The following TENM1 variants were observed in gnomAD, a reference collection of about 807,000 sequenced individuals.
TENM1 encodes teneurin-1.
Under a neutral mutation model 174.8 loss-of-function variants are expected in TENM1, and 35 were observed. The observed-to-expected ratio is 0.20, with a 90% CI of 0.15 to 0.27. The LOEUF (loss-of-function observed/expected upper bound fraction) is 0.27, where lower values mean the gene tolerates loss of function less well. TENM1 is among the 10% of genes least tolerant of loss of function. The pLI, the probability that TENM1 is intolerant of heterozygous loss-of-function variation, is 1.00. For missense variants in TENM1, 1,633 were observed against 2,130.1 expected, an observed-to-expected ratio of 0.77 and a Z score of 4.59; for synonymous variants, 781 against 798.7, an observed-to-expected ratio of 0.98 and a Z score of 0.37.
chrX:124,523,151 G>T (rs1016113069), intron 17 of TENM1, among the ~76,000 whole-genome samples: 1 of 112,028 alleles, frequency 8.9e-6, no homozygotes, highest in Non-Finnish European at 1.9e-5. Context: ...ACTTAATCTT[G>T]TTCTATTCCA....
the TENM1 span, among the ~76,000 whole-genome samples, chrX:125,040,834 C>T: frequency 1.8e-5 from 2 of 111,186 alleles, no homozygotes; most frequent in African/African-American, 3.3e-5. Flanking sequence ...TTCATCTTTT[C>T]GACCTTTGCA....
intron 3 of TENM1, among the ~76,000 whole-genome samples, chrX:124,845,831 T>C (rs1009480337): frequency 1.8e-5 from 2 of 108,111 alleles, no homozygotes; most frequent in Non-Finnish European, 3.8e-5. Flanking sequence ...TATGGGTGAG[T>C]GGATAGGGTG....
chrX:124,667,219 C>T (rs2051789737), intron 6 of TENM1, among the ~76,000 whole-genome samples: 2 of 111,273 alleles, frequency 1.8e-5, no homozygotes, highest in South Asian at 7.6e-4. Context: ...TTATATAACT[C>T]AGGTCTAGGA....
At chrX:124,535,378 T>C (rs878868250) in intron 15 of TENM1, among the ~76,000 whole-genome samples, 5 of 111,426 alleles carry the variant, frequency 4.5e-5, no homozygotes, top group Admixed American at 2.9e-4. Flanking sequence ...CTTACCCTTA[T>C]GAAATCTGTC....
intron 3 of TENM1, among the ~76,000 whole-genome samples, chrX:124,832,012 T>C (rs2056299780): frequency 9.0e-6 from 1 of 111,688 alleles, no homozygotes; most frequent in African/African-American, 3.3e-5. Context: ...TTGCAGTGCA[T>C]AATATACAAT....
chrX:125,093,523 T>A, the TENM1 span, among the ~76,000 whole-genome samples: 1 of 112,122 alleles, frequency 8.9e-6, no homozygotes, highest in Non-Finnish European at 1.9e-5. Context: ...GTCTCATAAA[T>A]CATTCATTTC....
chrX:124,791,398 A>G (rs1337515793), intron 3 of TENM1, among the ~76,000 whole-genome samples: 2 of 111,959 alleles, frequency 1.8e-5, no homozygotes, highest in Non-Finnish European at 3.8e-5. Context: ...TCTTTTGAAA[A>G]AAGTTACCCC....
At chrX:124,825,042 G>A (rs913261933) in intron 3 of TENM1, among the ~76,000 whole-genome samples, 1 of 110,076 alleles carries the variant, frequency 9.1e-6, no homozygotes, top group South Asian at 3.8e-4. Flanking sequence ...AAATGGGAAC[G>A]TGACGAGACA....
the TENM1 span, among the ~76,000 whole-genome samples, chrX:125,024,239 C>A: frequency 9.0e-6 from 1 of 110,743 alleles, no homozygotes. Context: ...GAAAAAATAT[C>A]ATTATATCAA....
At chrX:125,054,777 G>A in the TENM1 span, among the ~76,000 whole-genome samples, 1 of 111,397 alleles carries the variant, frequency 9.0e-6, no homozygotes, top group African/African-American at 3.3e-5. Context: ...AGAATAGAAC[G>A]GAGACATGTG....
the TENM1 span, among the ~76,000 whole-genome samples, chrX:125,136,195 T>G: frequency 3.6e-5 from 4 of 111,306 alleles, no homozygotes; most frequent in Non-Finnish European, 7.5e-5. Flanking sequence ...GATTCAATTG[T>G]TAAACTCTGG....
intron 3 of TENM1, among the ~76,000 whole-genome samples, chrX:124,775,738 C>T (rs1417407500): frequency 1.3e-4 from 15 of 111,967 alleles, no homozygotes; most frequent in Non-Finnish European, 2.1e-4. Flanking sequence ...GCTCAATTAA[C>T]CAACCCTAGT....
chrX:124,527,650 C>CTT (rs996971096), intron 16 of TENM1, among the ~76,000 whole-genome samples: 5 of 92,874 alleles, frequency 5.4e-5, no homozygotes, highest in African/African-American at 7.8e-5. Context: ...TTTCTTTTTT[C>CTT]TTTTTTTTTT....
the TENM1 span, among the ~76,000 whole-genome samples, chrX:125,162,744 T>C: frequency 3.6e-5 from 4 of 111,678 alleles, no homozygotes; most frequent in Non-Finnish European, 7.5e-5. Flanking sequence ...TCAATTAACA[T>C]CTAAATTTTG....
At chrX:124,596,174 C>A (rs2049886231) in intron 11 of TENM1, among the ~76,000 whole-genome samples, 1 of 110,564 alleles carries the variant, frequency 9.0e-6, no homozygotes, top group Non-Finnish European at 1.9e-5. Flanking sequence ...TGATTAGAAG[C>A]CAGCCAATCA....
At chrX:124,669,717 G>T (rs1001819973) in intron 6 of TENM1, among the ~76,000 whole-genome samples, 2 of 111,634 alleles carry the variant, frequency 1.8e-5, no homozygotes, top group East Asian at 2.8e-4. Context: ...AACCCATAAT[G>T]ATTTTTCTTA....
chrX:124,806,949 A>G (rs1394114661), intron 3 of TENM1, among the ~76,000 whole-genome samples: 2 of 111,981 alleles, frequency 1.8e-5, no homozygotes, highest in Non-Finnish European at 3.8e-5. Context: ...TACTTGGCTC[A>G]TGGTTCTGCA....
In TENM1 at chrX:124,736,833, G is replaced by T. The variant is rs951248824; in HGVS notation, c.776+124C>A. ...TCTTCCTTTTTGCCCATGCATCTGG[G>T]TGTGTATCGGTTTGTGCATTTGTGT... On this transcript the variant is annotated intron_variant, in intron 4 of 31. Coordinates refer to ENST00000422452, the Ensembl canonical transcript of TENM1. 8.7e-6 allele frequency: 8 copies of T among 919,023 alleles called. No individual in the cohort carries two copies. In the East Asian group the frequency reaches 2.0e-4, roughly 22 times the overall value. 75.7% of individuals were successfully genotyped at this position (919,023 alleles called of 1,213,427 possible).
chrX:124,597,672 C>G (rs559081744), intron 11 of TENM1, among the ~76,000 whole-genome samples: 8 of 110,636 alleles, frequency 7.2e-5, no homozygotes, highest in Admixed American at 3.9e-4. Flanking sequence ...CCTCCTCCCC[C>G]CAAACCTATT....
Sources: allele counts gnomAD v4.1 joint callset (sites outside exome capture counted in the v4.1 genomes callset), GRCh38; gene constraint gnomAD v4.1.1; transcripts MANE v1.5; gene names NCBI Gene and HGNC (gene_info 2026-07-23, HGNC 2026-07-21).